Variants in NOL4L observed in about 807,000 individuals in gnomAD.
NOL4L encodes nucleolar protein 4-like.
Under a neutral mutation model 64.5 loss-of-function variants are expected in NOL4L, and 7 were observed. The ratio of observed to expected loss-of-function variants is 0.11; its 90% CI spans 0.06 to 0.20. The LOEUF (loss-of-function observed/expected upper bound fraction) is 0.20, where lower values mean the gene tolerates loss of function less well. Ranked by LOEUF, NOL4L falls within the 10% of genes least tolerant of loss-of-function variation. The probability of loss-of-function intolerance (pLI) is 1.00; values close to 1 mark genes in which losing one functional copy is unlikely to be tolerated. For missense variants in NOL4L, 680 were observed against 967.1 expected, an observed-to-expected ratio of 0.70 and a Z score of 3.94; for synonymous variants, 413 against 401.0, an observed-to-expected ratio of 1.03 and a Z score of -0.36.
Position 32,453,673 on chromosome 20 carries a change from G to T in NOL4L, c.1208C>A (p.Thr403Lys). The T allele has an allele frequency of 1.3e-6, 2 of 1,574,548 alleles. No homozygotes were observed. The highest frequency in any genetic ancestry group is 1.7e-6 in the Non-Finnish European group (2 of 1,160,090). ...GTGGTCATCGTCGTCATCATCTGCC[G>T]TCGGGGCCCGGCCCACTGTCAGGTC... is the stretch of plus-strand genomic sequence containing the variant. Reference protein sequence around the residue: ...PEDLTVGRAPTADDDDDDHDD... With the variant: ...PEDLTVGRAPKADDDDDDHDD... Residue 403 changes from threonine (T) to lysine (K), a missense_variant, in exon 7 of 11, where the codon ACG becomes AAG. Physicochemically the swap from Thr to Lys is moderately conservative, Grantham distance 78. Transcript: ENST00000621426. The surrounding 1 kb of genome is among the most constrained non-coding windows in gnomAD (Gnocchi z 5.6).
At chr20:32,555,605 G>GACCT (rs1345821840) in intron 1 of NOL4L, among the ~76,000 whole-genome samples, 1 of 151,992 alleles carries the variant, frequency 6.6e-6, no homozygotes, top group African/African-American at 2.4e-5. Flanking sequence ...GCCAAGACAG[G>GACCT]ACCTTTCAAG....
chr20:32,519,243 G>A (rs1253827191), intron 3 of NOL4L, among the ~76,000 whole-genome samples: 1 of 152,170 alleles, frequency 6.6e-6, no homozygotes, highest in African/African-American at 2.4e-5. Context: ...GGCTCCCAAG[G>A]GCATGGAAGC....
chr20:32,488,724 CTTTCTTTCT>C (rs759268289), intron 4 of NOL4L, among the ~76,000 whole-genome samples: 18 of 151,612 alleles, frequency 1.2e-4, no homozygotes, highest in Non-Finnish European at 2.2e-4. Flanking sequence ...ATTTCTTTTT[CTTTCTTTCT>C]TTTCTTTCTT....
In NOL4L at chr20:32,485,078, A is replaced by C. The variant is rs534669368; in HGVS notation, c.700-10336T>G. Among the ~76,000 whole-genome samples, 378 of 147,824 alleles carry C rather than the reference A, an allele frequency of 2.6e-3. 8 individuals carry two copies. The highest frequency in any genetic ancestry group is 9.2e-3 in the African/African-American group (367 of 39,918). ...ATTGCCAAAAAAAAAAAAAAAAAAA[A>C]AAAAAAAAACAACTAAAAAAAAACC... On this transcript the variant is annotated intron_variant, in intron 4 of 10. Transcript: ENST00000621426.
At chr20:32,549,057 A>G (rs1324307970) in intron 1 of NOL4L, among the ~76,000 whole-genome samples, 1 of 152,234 alleles carries the variant, frequency 6.6e-6, no homozygotes, top group Non-Finnish European at 1.5e-5. Context: ...TTAGGCAATG[A>G]CTTCTTAGAT....
rs2016286106 is a variant in NOL4L, at chr20:32,488,821, CTTTCTTTTTCTTTCTTTCTTTCTT to C, written c.700-14103_700-14080del. Among the ~76,000 whole-genome samples, 83 of 31,142 alleles carry C rather than the reference CTTTCTTTTTCTTTCTTTCTTTCTT, an allele frequency of 2.7e-3. 1 individual carries two copies. Among genetic ancestry groups the C allele is most frequent in the Admixed American group, 3.6e-3 (10 of 2,778 alleles). The allele number at this position is 31,142 out of a possible 152,430, so 20.4% of individuals were successfully genotyped here. ...TTTCTTTCTTTTTCTTTCTTTCTTT[CTTTCTTTTTCTTTCTTTCTTTCTT>C]TCTTTCTTTCTTTCTTTCTTTCTTT... is the stretch of plus-strand genomic sequence containing the variant. On this transcript the variant is annotated intron_variant, in intron 4 of 10. Coordinates refer to ENST00000621426, the MANE Select transcript of NOL4L (RefSeq NM_001256798.2).
At chr20:32,498,883 T>C (rs2016805775) in intron 4 of NOL4L, among the ~76,000 whole-genome samples, 1 of 152,156 alleles carries the variant, frequency 6.6e-6, no homozygotes, top group African/African-American at 2.4e-5. Flanking sequence ...TTTGTGTTTG[T>C]TTGTTTTTGA....
chr20:32,509,193 T>C (rs1054514472), intron 4 of NOL4L, among the ~76,000 whole-genome samples: 1 of 152,102 alleles, frequency 6.6e-6, no homozygotes, highest in Non-Finnish European at 1.5e-5. Context: ...GAGCTGGGCA[T>C]TTGTGTGGGA....
intron 1 of NOL4L, among the ~76,000 whole-genome samples, chr20:32,562,403 C>T: frequency 6.6e-6 from 1 of 152,182 alleles, no homozygotes; most frequent in East Asian, 1.9e-4. Context: ...AAAATCCAGG[C>T]TGATTTGCTG....
Position 32,584,942 on chromosome 20 carries a change from G to A in NOL4L, c.-52C>T, listed in dbSNP as rs926344804. 3.8e-6 allele frequency: 4 copies of A among 1,052,242 alleles called. No individual in the cohort carries two copies. The African/African-American group carries it at 5.1e-5, about 13-fold the overall frequency. 65.2% of individuals were successfully genotyped at this position (1,052,242 alleles called of 1,614,324 possible). A position where few individuals can be genotyped will look rare whatever the true frequency, so the allele number is the denominator to read the frequency against. On this transcript the variant is annotated 5_prime_UTR_variant, in exon 1 of 11. Coordinates refer to ENST00000621426, the MANE Select transcript of NOL4L (RefSeq NM_001256798.2). ...GGGCGGGCCGGCCGCCGGGCCGCCC[G>A]GTGCCGGGACTGGGCTGGGCTGGGC...
intron 5 of NOL4L, among the ~76,000 whole-genome samples, chr20:32,471,390 G>A (rs549741560): frequency 1.1e-4 from 17 of 148,964 alleles, no homozygotes; most frequent in South Asian, 1.0e-3. Flanking sequence ...CACTCACCCC[G>A]GTAGAAGCTC....
At chr20:32,505,476 G>A (rs2017101549) in intron 4 of NOL4L, among the ~76,000 whole-genome samples, 1 of 152,182 alleles carries the variant, frequency 6.6e-6, no homozygotes, top group Non-Finnish European at 1.5e-5. Context: ...TGTAATCCCA[G>A]CACTTTGGGA....
intron 5 of NOL4L, among the ~76,000 whole-genome samples, chr20:32,473,963 C>T (rs115461071): frequency 0.026 from 3,973 of 152,262 alleles, 176 homozygotes; most frequent in African/African-American, 0.09. Flanking sequence ...ACGTGGAGGC[C>T]GGGGTGGATC....
At position 32,453,214 on chromosome 20, in the gene NOL4L, C is replaced by G; in HGVS notation, c.1497+90G>C. On this transcript the variant is annotated intron_variant, in intron 8 of 10. Coordinates refer to ENST00000621426, the MANE Select transcript of NOL4L (RefSeq NM_001256798.2). The surrounding 1 kb of genome is among the most constrained non-coding windows in gnomAD (Gnocchi z 5.6). Reference sequence around the variant, plus strand: ...TGCTTCCAGGGCTCCTGGGAAGACCCTGGGTGAAGGGGCCCGGGCATCCTG... The same window carrying G: ...TGCTTCCAGGGCTCCTGGGAAGACCGTGGGTGAAGGGGCCCGGGCATCCTG... 1 of 1,513,526 alleles carries G rather than the reference C, an allele frequency of 6.6e-7. No homozygotes were observed. 93.8% of individuals were successfully genotyped at this position (1,513,526 alleles called of 1,614,324 possible).
intron 1 of NOL4L, among the ~76,000 whole-genome samples, chr20:32,573,039 C>CT (rs3078261): frequency 1.1e-3 from 155 of 142,190 alleles, no homozygotes; most frequent in Middle Eastern, 3.6e-3. Flanking sequence ...GCATCCTTTT[C>CT]TTTTTTTTTT....
Position 32,447,403 on chromosome 20 carries a change from C to CAAA in NOL4L, c.*190_*192dup, listed in dbSNP as rs386393630. ...TCAGAGCACCCGTGTGGTGAGATTC[C>CAAA]AAAAAAAAAAAAAAAAAAAAAAAAA... On this transcript the variant is annotated 3_prime_UTR_variant, in exon 11 of 11. Coordinates refer to ENST00000621426, the MANE Select transcript of NOL4L (RefSeq NM_001256798.2). 13,282 of 150,998 alleles carry CAAA rather than the reference C, an allele frequency of 0.088. 2,433 individuals carry two copies. Among genetic ancestry groups the CAAA allele is most frequent in the African/African-American group, 0.17 (2,217 of 13,374 alleles). 9.4% of individuals were successfully genotyped at this position (150,998 alleles called of 1,614,324 possible).
chr20:32,522,211 G>T (rs1324362906), intron 2 of NOL4L, among the ~76,000 whole-genome samples: 1 of 152,234 alleles, frequency 6.6e-6, no homozygotes, highest in East Asian at 1.9e-4. Flanking sequence ...GAGTCCAGGG[G>T]CCACTCTTGC....
At chr20:32,489,671 G>C (rs368299614) in intron 4 of NOL4L, among the ~76,000 whole-genome samples, 1 of 151,852 alleles carries the variant, frequency 6.6e-6, no homozygotes, top group Non-Finnish European at 1.5e-5. Flanking sequence ...TGGGCCGGGC[G>C]CAGTGGCTCA....
intron 5 of NOL4L, among the ~76,000 whole-genome samples, chr20:32,471,701 G>A (rs1316790295): frequency 6.6e-6 from 1 of 152,124 alleles, no homozygotes. Flanking sequence ...CTGGTGGGAG[G>A]TGTCTGGGTC....
Sources: allele counts gnomAD v4.1 joint callset (sites outside exome capture counted in the v4.1 genomes callset), GRCh38; gene constraint gnomAD v4.1.1; non-coding constraint Gnocchi (gnomAD v3.1); transcripts MANE v1.5; gene names NCBI Gene and HGNC (gene_info 2026-07-23, HGNC 2026-07-21).